Variants in SMOC1 observed in about 807,000 individuals in gnomAD.
SMOC1 encodes SPARC-related modular calcium-binding protein 1.
SMOC1 carries 22 observed loss-of-function variants against 56.3 expected under a neutral mutation model. That is an observed-to-expected ratio of 0.39 (90% CI 0.28 to 0.56). The LOEUF is 0.56. Among genes scored for constraint, SMOC1 ranks in the 20% least tolerant of loss-of-function variants. The pLI, the probability that SMOC1 is intolerant of heterozygous loss-of-function variation, is 0.61. For synonymous variants in SMOC1, 193 were observed against 215.0 expected (o/e 0.90, Z 0.89); for missense variants, 509 against 565.4 (o/e 0.90, Z 1.01).
chr14:69,953,606 G>A, intron 3 of SMOC1, 74 bp downstream of exon 3: 2 of 1,222,060 alleles, frequency 1.6e-6, no homozygotes, highest in Non-Finnish European at 1.2e-6. Flanking sequence ...GAGCGCGAGG[G>A]CTGCTTGGCG....
chr14:70,030,019 G>A (rs1042410713), intron 11 of SMOC1, among the ~76,000 whole-genome samples: 10 of 152,172 alleles, frequency 6.6e-5, no homozygotes, highest in Non-Finnish European at 1.0e-4. Context: ...CAGTGGTGGT[G>A]CCTCATAGTG....
intron 1 of SMOC1, 110 bp downstream of exon 1, chr14:69,879,887 C>T: frequency 2.0e-6 from 2 of 979,518 alleles, no homozygotes. Flanking sequence ...GACCTGTTGT[C>T]CTCTGTCTAC....
intron 2 of SMOC1, among the ~76,000 whole-genome samples, chr14:69,953,082 A>G (rs771927733): frequency 5.9e-5 from 9 of 152,230 alleles, no homozygotes; most frequent in Non-Finnish European, 7.3e-5. Flanking sequence ...ACCATAAGAC[A>G]TGGTTGAGCC....
Position 70,004,956 on chromosome 14 carries a change from C to T in SMOC1, c.665-5798C>T, listed in dbSNP as rs917129716. Among the ~76,000 whole-genome samples, 6 of 152,288 alleles carry T rather than the reference C, an allele frequency of 3.9e-5. No individual in the cohort carries two copies. The East Asian group carries it at 1.2e-3, about 29-fold the overall frequency. ...CCATGAGGTTCCCATGTTCTTTCTC[C>T]AAAAAGCTTACAGCATAGCTGGTCT... is the stretch of plus-strand genomic sequence containing the variant. On this transcript the variant is annotated intron_variant, in intron 7 of 11. Coordinates refer to ENST00000361956, the MANE Select transcript of SMOC1 (RefSeq NM_001034852.3).
rs1443573865 is a variant in SMOC1, at chr14:70,025,912, A to G, written c.1291+2465A>G. Among the ~76,000 whole-genome samples the G allele has an allele frequency of 4.6e-5, 7 of 152,288 alleles. No individual in the cohort carries two copies. In the South Asian group the frequency reaches 1.5e-3, roughly 32 times the overall value. On this transcript the variant is annotated intron_variant, in intron 11 of 11. Transcript: ENST00000361956. Reference sequence around the variant, plus strand: ...GGGACAGTGAGTTAAAGCATTCCCAAAGTTCCTGAGAAATTGAAATAACTC... The same window carrying G: ...GGGACAGTGAGTTAAAGCATTCCCAGAGTTCCTGAGAAATTGAAATAACTC...
intron 3 of SMOC1, among the ~76,000 whole-genome samples, chr14:69,959,304 G>T (rs545409230): frequency 6.6e-5 from 10 of 152,226 alleles, no homozygotes; most frequent in Middle Eastern, 3.4e-3. Context: ...GCTCTCTATT[G>T]TGTCAAAAGG....
chr14:69,952,743 T>C (rs556466618), intron 2 of SMOC1, among the ~76,000 whole-genome samples: 4 of 152,342 alleles, frequency 2.6e-5, no homozygotes, highest in African/African-American at 9.6e-5. Context: ...CTTTTTGTCC[T>C]TCTTTTCCAA....
At chr14:69,879,903 G>A (rs1883588151) in intron 1 of SMOC1, 126 bp downstream of exon 1, 2 of 794,196 alleles carry the variant, frequency 2.5e-6, no homozygotes, top group East Asian at 3.3e-5. Flanking sequence ...TCTACTACCA[G>A]GTCCCCTGCG....
chr14:69,982,336 G>A (rs1485146359), intron 5 of SMOC1, among the ~76,000 whole-genome samples: 1 of 152,192 alleles, frequency 6.6e-6, no homozygotes, highest in Non-Finnish European at 1.5e-5. Context: ...ATCTCCCACT[G>A]GCTGTTCCAT....
chr14:70,009,790 T>A (rs548839126), intron 7 of SMOC1, among the ~76,000 whole-genome samples: 5 of 152,340 alleles, frequency 3.3e-5, no homozygotes, highest in African/African-American at 1.2e-4. Flanking sequence ...GTGTTTAACT[T>A]TGGCAGGATT....
intron 1 of SMOC1, among the ~76,000 whole-genome samples, chr14:69,941,001 A>T (rs8003679): frequency 0.21 from 31,249 of 152,138 alleles, 4,145 homozygotes; most frequent in Admixed American, 0.31. Flanking sequence ...AAAAGGTTTG[A>T]TGCCCTGTCG....
At chr14:69,902,604 T>A (rs1884273754) in intron 1 of SMOC1, among the ~76,000 whole-genome samples, 1 of 151,926 alleles carries the variant, frequency 6.6e-6, no homozygotes, top group South Asian at 2.1e-4. Flanking sequence ...TCTAGCCCTC[T>A]CCCTCTCCCT....
At chr14:69,967,193 A>G (rs2139481836) in intron 3 of SMOC1, among the ~76,000 whole-genome samples, 1 of 152,364 alleles carries the variant, frequency 6.6e-6, no homozygotes, top group African/African-American at 2.4e-5. Flanking sequence ...TTGAAATTGA[A>G]GGATTAGCTT....
intron 1 of SMOC1, among the ~76,000 whole-genome samples, chr14:69,887,763 G>A (rs1050993914): frequency 2.6e-5 from 4 of 152,186 alleles, no homozygotes; most frequent in African/African-American, 9.7e-5. Context: ...GCTGGCAGTG[G>A]GCAGTCTTCC....
At chr14:70,006,319 G>T (rs1885146425) in intron 7 of SMOC1, among the ~76,000 whole-genome samples, 1 of 152,164 alleles carries the variant, frequency 6.6e-6, no homozygotes, top group Non-Finnish European at 1.5e-5. Context: ...CCAGTACCAA[G>T]TCTGGCACAT....
intron 1 of SMOC1, among the ~76,000 whole-genome samples, chr14:69,915,035 T>G (rs1308843303): frequency 1.3e-5 from 2 of 152,064 alleles, no homozygotes; most frequent in Non-Finnish European, 2.9e-5. Flanking sequence ...CCCGGCTAAT[T>G]TTTTGTATTT....
chr14:69,947,074 C>G (rs2139427617), intron 1 of SMOC1, among the ~76,000 whole-genome samples: 1 of 145,106 alleles, frequency 6.9e-6, no homozygotes, highest in South Asian at 2.2e-4. Flanking sequence ...ATAAATTACC[C>G]AGTCTCAGGC....
chr14:69,942,607 T>A (rs556848549), intron 1 of SMOC1, among the ~76,000 whole-genome samples: 1 of 152,338 alleles, frequency 6.6e-6, no homozygotes, highest in East Asian at 1.9e-4. Context: ...TTAATCCAAT[T>A]TCTGTCACTT....
At chr14:69,981,956 G>A (rs1297118462) in intron 5 of SMOC1, among the ~76,000 whole-genome samples, 1 of 152,160 alleles carries the variant, frequency 6.6e-6, no homozygotes, top group South Asian at 2.1e-4. Context: ...TTAGCCTCTG[G>A]TGGGGTGAAG....
Sources: gnomAD v4.1 joint callset for allele counts (sites outside exome capture counted in the v4.1 genomes callset) on GRCh38, gnomAD v4.1.1 for gene constraint, MANE v1.5 for transcripts, NCBI Gene and HGNC (gene_info 2026-07-23, HGNC 2026-07-21) for gene names.